The following NME7 variants were observed in gnomAD, a reference collection of about 807,000 sequenced individuals.
The protein encoded by NME7 is NME/NM23 family member 7, also known as nucleoside diphosphate kinase 7.
NME7 carries 41 observed loss-of-function variants against 49.1 expected under a neutral mutation model. The ratio of observed to expected loss-of-function variants is 0.83; its 90% CI spans 0.65 to 1.08. NME7 has a LOEUF of 1.08. NME7 is among the 50% of genes least tolerant of loss of function. The probability of loss-of-function intolerance (pLI) is 0.00; values close to 1 mark genes in which losing one functional copy is unlikely to be tolerated. For missense variants in NME7, 423 were observed against 463.4 expected (o/e 0.91, Z 0.80); for synonymous variants, 139 against 150.6 (o/e 0.92, Z 0.56).
chr1:169,192,644 A>T (rs1026437793), intron 10 of NME7, among the ~76,000 whole-genome samples: 3 of 152,186 alleles, frequency 2.0e-5, no homozygotes, highest in Non-Finnish European at 4.4e-5. Context: ...CCTCCTTTGC[A>T]TAAGTTTACT....
intron 10 of NME7, among the ~76,000 whole-genome samples, chr1:169,218,167 A>C (rs1049723248): frequency 2.0e-5 from 3 of 152,016 alleles, no homozygotes; most frequent in Non-Finnish European, 4.4e-5. Context: ...TTTATTTCTT[A>C]TGTAGAACAG....
chr1:169,350,520 T>A (rs2101974921), intron 1 of NME7, among the ~76,000 whole-genome samples: 1 of 152,094 alleles, frequency 6.6e-6, no homozygotes, highest in South Asian at 2.1e-4. Context: ...CTACTTCTGC[T>A]TGGCCCTGGA....
At chr1:169,182,903 G>C (rs1236671535) in intron 10 of NME7, among the ~76,000 whole-genome samples, 3 of 152,170 alleles carry the variant, frequency 2.0e-5, no homozygotes, top group Non-Finnish European at 2.9e-5. Flanking sequence ...AGATCCTTCA[G>C]AAGTGCCTAT....
chr1:169,154,788 ACT>A (rs1280707813), intron 11 of NME7, among the ~76,000 whole-genome samples: 5 of 148,706 alleles, frequency 3.4e-5, no homozygotes, highest in Non-Finnish European at 7.4e-5. Context: ...ACAGAGCAAG[ACT>A]CTGTCTAAAA....
At chr1:169,275,294 G>A (rs1260584807) in intron 7 of NME7, among the ~76,000 whole-genome samples, 4 of 128,552 alleles carry the variant, frequency 3.1e-5, no homozygotes, top group East Asian at 2.0e-4. Flanking sequence ...ATAAGAACAC[G>A]GTGAAACCCC....
intron 5 of NME7, among the ~76,000 whole-genome samples, chr1:169,299,370 C>T (rs555012139): frequency 9.9e-5 from 15 of 152,176 alleles, no homozygotes; most frequent in African/African-American, 3.4e-4. Context: ...GTGTACGCAT[C>T]GGTTCTTGAC....
chr1:169,237,662 A>G lies in NME7; in HGVS notation c.780T>C (p.Ala260=). Residue 260 remains alanine, a synonymous_variant, in exon 8 of 12, where the codon GCT becomes GCC. Coordinates refer to ENST00000367811, the MANE Select transcript of NME7 (RefSeq NM_013330.5). ...SEGLLGKILM[A]IRDAGFEISA... ...AGATTTCAAAACCTGCATCTCGGAT[A>G]GCCATCAGGATCTTTCCCAACAGTC... The G allele has an allele frequency of 6.2e-7, 1 of 1,611,440 alleles. No individual in the cohort carries two copies. The highest frequency in any genetic ancestry group is 8.5e-7 in the Non-Finnish European group (1 of 1,178,210).
chr1:169,218,405 GTGGTACCTCC>G (rs1205186710), intron 10 of NME7, among the ~76,000 whole-genome samples: 2 of 151,976 alleles, frequency 1.3e-5, no homozygotes, highest in Non-Finnish European at 2.9e-5. Flanking sequence ...GGGCAACATG[GTGGTACCTCC>G]TCTCTACAAA....
At chr1:169,327,168 A>G (rs981158619) in intron 1 of NME7, among the ~76,000 whole-genome samples, 2 of 152,348 alleles carry the variant, frequency 1.3e-5, no homozygotes, top group Non-Finnish European at 2.9e-5. Flanking sequence ...TTAGTAGCAC[A>G]TAGATACACC....
At chr1:169,218,560 C>T (rs541919342) in intron 10 of NME7, among the ~76,000 whole-genome samples, 10 of 152,050 alleles carry the variant, frequency 6.6e-5, no homozygotes, top group Admixed American at 2.0e-4. Flanking sequence ...AGACCAAAAC[C>T]CTGTCTCAGA....
At chr1:169,163,766 T>C (rs1456331145) in intron 11 of NME7, among the ~76,000 whole-genome samples, 1 of 152,060 alleles carries the variant, frequency 6.6e-6, no homozygotes, top group Admixed American at 6.6e-5. Context: ...TCATAAAAAA[T>C]TTATTGTACT....
chr1:169,142,363 A>C (rs1393661066), intron 11 of NME7, among the ~76,000 whole-genome samples: 4 of 152,238 alleles, frequency 2.6e-5, no homozygotes, highest in Non-Finnish European at 5.9e-5. Context: ...GAATAAGATA[A>C]GATGTGTTGT....
chr1:169,195,796 T>C (rs975748951), intron 10 of NME7, among the ~76,000 whole-genome samples: 7 of 152,172 alleles, frequency 4.6e-5, no homozygotes, highest in Admixed American at 3.3e-4. Context: ...TTTCTGAATA[T>C]ATCAGTGAAA....
chr1:169,295,914 C>A (rs1018150008), intron 6 of NME7, among the ~76,000 whole-genome samples: 18 of 152,094 alleles, frequency 1.2e-4, no homozygotes, highest in African/African-American at 3.9e-4. Context: ...TTCACATATT[C>A]TCCCTTCCCA....
At chr1:169,205,196 T>C (rs1034219600) in intron 10 of NME7, among the ~76,000 whole-genome samples, 2 of 152,176 alleles carry the variant, frequency 1.3e-5, no homozygotes, top group African/African-American at 4.8e-5. Flanking sequence ...TTTCATTTAC[T>C]AATTCACTAC....
chr1:169,338,686 A>G (rs1652571895), intron 1 of NME7, among the ~76,000 whole-genome samples: 2 of 152,334 alleles, frequency 1.3e-5, no homozygotes, highest in African/African-American at 4.8e-5. Flanking sequence ...TCCTTTAGAC[A>G]TCTCAAAGAA....
chr1:169,332,102 G>A (rs535759697), intron 1 of NME7, among the ~76,000 whole-genome samples: 2 of 152,076 alleles, frequency 1.3e-5, no homozygotes, highest in East Asian at 1.9e-4. Flanking sequence ...AAACATCATG[G>A]TACTGACATA....
chr1:169,143,158 G>A (rs1428906010), intron 11 of NME7, among the ~76,000 whole-genome samples: 3 of 151,438 alleles, frequency 2.0e-5, no homozygotes, highest in Non-Finnish European at 4.4e-5. Flanking sequence ...TTATGTCAAC[G>A]CCCATTCCCC....
At chr1:169,168,717 C>T (rs1659486730) in intron 11 of NME7, among the ~76,000 whole-genome samples, 1 of 152,180 alleles carries the variant, frequency 6.6e-6, no homozygotes, top group South Asian at 2.1e-4. Context: ...AGCTTAACTA[C>T]TAATGCTGTT....
Sources: gnomAD v4.1 joint callset for allele counts (sites outside exome capture counted in the v4.1 genomes callset) on GRCh38, gnomAD v4.1.1 for gene constraint, MANE v1.5 for transcripts, NCBI Gene and HGNC (gene_info 2026-07-23, HGNC 2026-07-21) for gene names.